The following KLF7 variants were observed in gnomAD, a reference collection of about 807,000 sequenced individuals.
The protein encoded by KLF7 is Krueppel-like factor 7.
Under a neutral mutation model 27.3 loss-of-function variants are expected in KLF7, and 2 were observed. The ratio of observed to expected loss-of-function variants is 0.07; its 90% CI spans 0.03 to 0.23. The LOEUF (loss-of-function observed/expected upper bound fraction) is 0.23, where lower values mean the gene tolerates loss of function less well. Ranked by LOEUF, KLF7 falls within the 10% of genes least tolerant of loss-of-function variation. The probability of loss-of-function intolerance (pLI) is 1.00; values close to 1 mark genes in which losing one functional copy is unlikely to be tolerated. For missense variants in KLF7, 221 were observed against 394.1 expected (o/e 0.56, Z 3.72); for synonymous variants, 165 against 162.4 (o/e 1.02, Z -0.12).
At chr2:207,144,748 A>G (rs1056685488) in intron 1 of KLF7, among the ~76,000 whole-genome samples, 1 of 152,220 alleles carries the variant, frequency 6.6e-6, no homozygotes. Flanking sequence ...TTTCAAACAC[A>G]TCTTAGTCCC....
intron 1 of KLF7, among the ~76,000 whole-genome samples, chr2:207,130,468 A>C (rs2077600052): frequency 6.6e-6 from 1 of 152,240 alleles, no homozygotes; most frequent in African/African-American, 2.4e-5. Context: ...CCTAAACAGT[A>C]AAGTTAAGTG....
At chr2:207,166,373 GCCGCCCGGCGGCC>G, upstream of KLF7, 1 of 179,092 alleles carries the variant, frequency 5.6e-6, no homozygotes, top group Non-Finnish European at 1.1e-5. Context: ...GGCTGAGGCG[GCCGCCCGGCGGCC>G]GGGCAGCGCG....
chr2:207,083,566 TGAG>T (rs777328620), intron 3 of KLF7, among the ~76,000 whole-genome samples: 1 of 152,118 alleles, frequency 6.6e-6, no homozygotes, highest in Non-Finnish European at 1.5e-5. Flanking sequence ...TTAACCACAT[TGAG>T]GAGAAGAGAG....
intron 2 of KLF7, among the ~76,000 whole-genome samples, chr2:207,089,804 C>A (rs1422100055): frequency 5.9e-5 from 9 of 152,062 alleles, no homozygotes; most frequent in Non-Finnish European, 1.3e-4. Flanking sequence ...TAGAACAATG[C>A]CTGGCATATG....
chr2:207,093,713 G>A (rs2076563325), intron 2 of KLF7, among the ~76,000 whole-genome samples: 1 of 152,166 alleles, frequency 6.6e-6, no homozygotes, highest in South Asian at 2.1e-4. Context: ...AATCCCGTCC[G>A]ATACATTAGG....
chr2:207,169,337 C>A (rs570204307), upstream of KLF7, among the ~76,000 whole-genome samples: 1 of 152,146 alleles, frequency 6.6e-6, no homozygotes. Flanking sequence ...TATGTGAATA[C>A]ACACATTAAA....
At chr2:207,116,965 C>T (rs963155080) in intron 2 of KLF7, among the ~76,000 whole-genome samples, 6 of 152,142 alleles carry the variant, frequency 3.9e-5, no homozygotes, top group South Asian at 2.1e-4. Flanking sequence ...TGTCAAAAAG[C>T]GAGGTCCTCG....
In KLF7 at chr2:207,081,275, TA is replaced by T. The variant is rs1294931375; in HGVS notation, c.858-12del. Reference sequence around the variant, plus strand: ...GACCTGGAAAAACACCTAGGAGATATAAACAACAAGGATATTAGAGAACTCC... The same window carrying T: ...GACCTGGAAAAACACCTAGGAGATATAACAACAAGGATATTAGAGAACTCC... On this transcript the variant is annotated splice_polypyrimidine_tract_variant and intron_variant, in intron 3 of 3. Transcript: ENST00000309446. 6.2e-7 allele frequency: 1 copy of T among 1,610,722 alleles called. No individual in the cohort carries two copies. Among genetic ancestry groups the T allele is most frequent in the African/African-American group, 1.3e-5 (1 of 74,782 alleles).
At chr2:207,171,832 G>A (rs927588061), upstream of KLF7, among the ~76,000 whole-genome samples, 1 of 152,118 alleles carries the variant, frequency 6.6e-6, no homozygotes, top group African/African-American at 2.4e-5. Flanking sequence ...CCACTTTATT[G>A]TGATATTTGC....
In KLF7 at chr2:207,076,811, C is replaced by G. The variant is rs914561764; in HGVS notation, c.*4402G>C. ...AATTTGAGTCCTCCCCTCCTGCCCCCCAACTCTTGCGCTTGGCAGGTGGCC... is the reference window on the plus strand; with the variant it reads ...AATTTGAGTCCTCCCCTCCTGCCCCGCAACTCTTGCGCTTGGCAGGTGGCC... On this transcript the variant is annotated 3_prime_UTR_variant, in exon 4 of 4. Coordinates refer to ENST00000309446, the MANE Select transcript of KLF7 (RefSeq NM_003709.4). 2.6e-5 allele frequency: 4 copies of G among 152,212 alleles called. No individual in the cohort carries two copies. The highest frequency in any genetic ancestry group is 3.9e-4 in the East Asian group (2 of 5,194). The allele number at this position is 152,212 out of a possible 1,614,324, so 9.4% of individuals were successfully genotyped here. A position where few individuals can be genotyped will look rare whatever the true frequency, so the allele number is the denominator to read the frequency against.
intron 1 of KLF7, among the ~76,000 whole-genome samples, chr2:207,143,054 G>T (rs186715615): frequency 6.6e-6 from 1 of 152,214 alleles, no homozygotes; most frequent in East Asian, 1.9e-4. Flanking sequence ...AATCATTCAA[G>T]GCATTTTCTT....
At chr2:207,155,606 G>A (rs563224362) in intron 1 of KLF7, among the ~76,000 whole-genome samples, 1 of 152,268 alleles carries the variant, frequency 6.6e-6, no homozygotes, top group African/African-American at 2.4e-5. Context: ...CTCTTGATCC[G>A]TATTAAAGAA....
At position 207,077,593 on chromosome 2, in the gene KLF7, T is replaced by C. The variant is rs759811338; in HGVS notation, c.*3620A>G. The C allele has an allele frequency of 1.6e-4, 24 of 152,328 alleles. No homozygotes were observed. Among genetic ancestry groups the C allele is most frequent in the Non-Finnish European group, 8.8e-5 (6 of 68,038 alleles). 9.4% of individuals were successfully genotyped at this position (152,328 alleles called of 1,614,324 possible). On this transcript the variant is annotated 3_prime_UTR_variant, in exon 4 of 4. Coordinates refer to ENST00000309446, the MANE Select transcript of KLF7 (RefSeq NM_003709.4). The stretch of plus-strand genomic sequence containing the variant: ...TTCATTTTGGGGTCTCCAATATTTT[T>C]ACAAAAATGCAGCTTTGTCATGGAA...
Position 207,088,600 on chromosome 2 carries a change from G to C in KLF7, c.734-19C>G. 1 of 1,611,272 alleles carries C rather than the reference G, an allele frequency of 6.2e-7. No individual in the cohort carries two copies. Among genetic ancestry groups the C allele is most frequent in the South Asian group, 1.1e-5 (1 of 90,910 alleles). On this transcript the variant is annotated intron_variant, in intron 2 of 3. Transcript: ENST00000309446. The stretch of plus-strand genomic sequence containing the variant: ...TTCTCACCTGCAAGAAGAGATGGAA[G>C]GACCGTGGTCAGCAGCAGGAACAAA...
chr2:207,141,465 G>T (rs2077940670), intron 1 of KLF7, among the ~76,000 whole-genome samples: 1 of 152,024 alleles, frequency 6.6e-6, no homozygotes, highest in African/African-American at 2.4e-5. Flanking sequence ...ATACATTAGT[G>T]AAACAGTCAA....
chr2:207,114,788 G>T (rs2077134089), intron 2 of KLF7, among the ~76,000 whole-genome samples: 1 of 152,232 alleles, frequency 6.6e-6, no homozygotes, highest in South Asian at 2.1e-4. Flanking sequence ...TGGAGGTCAA[G>T]TTCTTTCTCA....
At chr2:207,099,548 T>C (rs1390252680) in intron 2 of KLF7, among the ~76,000 whole-genome samples, 2 of 24,324 alleles carry the variant, frequency 8.2e-5, no homozygotes, top group African/African-American at 2.5e-4. Flanking sequence ...CTGCTACATA[T>C]GCGATATATA....
upstream of KLF7, among the ~76,000 whole-genome samples, chr2:207,169,394 G>T (rs983508936): frequency 6.6e-6 from 1 of 152,114 alleles, no homozygotes; most frequent in African/African-American, 2.4e-5. Context: ...ATTAGTGTAG[G>T]AAGTCTTTAT....
chr2:207,078,536 T>C lies in KLF7; in HGVS notation c.*2677A>G, dbSNP rs1429498964. ...AATTAAATTAAGTATTATAAACCCTTAATAATAGCATTCGAGAGGCAAGAG... is the reference window on the plus strand; with the variant it reads ...AATTAAATTAAGTATTATAAACCCTCAATAATAGCATTCGAGAGGCAAGAG... On this transcript the variant is annotated 3_prime_UTR_variant, in exon 4 of 4. Transcript: ENST00000309446. The C allele has an allele frequency of 6.6e-6, 1 of 152,218 alleles. No homozygotes were observed. Among genetic ancestry groups the C allele is most frequent in the East Asian group, 1.9e-4 (1 of 5,200 alleles). The allele number at this position is 152,218 out of a possible 1,614,324, so 9.4% of individuals were successfully genotyped here. A position where few individuals can be genotyped will look rare whatever the true frequency, so the allele number is the denominator to read the frequency against.
Sources: allele counts gnomAD v4.1 joint callset (sites outside exome capture counted in the v4.1 genomes callset), GRCh38; gene constraint gnomAD v4.1.1; transcripts MANE v1.5; gene names NCBI Gene and HGNC (gene_info 2026-07-23, HGNC 2026-07-21).